Variants in SIM1 observed in about 807,000 individuals in gnomAD.
The protein encoded by SIM1 is single-minded homolog 1.
SIM1 carries 18 observed loss-of-function variants against 78.2 expected under a neutral mutation model. The observed-to-expected ratio is 0.23, with a 90% CI of 0.16 to 0.34. The LOEUF (loss-of-function observed/expected upper bound fraction) is 0.34. SIM1 is among the 10% of genes least tolerant of loss of function. The pLI is 1.00. For synonymous variants in SIM1, 417 were observed against 385.2 expected (o/e 1.08, Z -0.97); for missense variants, 939 against 975.1 (o/e 0.96, Z 0.49).
At chr6:100,418,371 T>TAA (rs1475235406) in intron 10 of SIM1, among the ~76,000 whole-genome samples, 7 of 150,188 alleles carry the variant, frequency 4.7e-5, no homozygotes, top group African/African-American at 1.7e-4. Context: ...AATAAATAAA[T>TAA]AAATAAATAA....
At chr6:100,451,980 C>T (rs368139525) in intron 3 of SIM1, among the ~76,000 whole-genome samples, 150 of 152,212 alleles carry the variant, frequency 9.9e-4, no homozygotes, top group African/African-American at 3.5e-3. Context: ...AGTTGAGAGG[C>T]TGGTGTTGGG....
Position 100,463,449 on chromosome 6 carries a change from T to G in SIM1, c.20A>C (p.Asn7Thr), listed in dbSNP as rs200032458. 21 of 1,607,304 alleles carry G rather than the reference T, an allele frequency of 1.3e-5. No homozygotes were observed. The highest frequency in any genetic ancestry group is 1.6e-4 in the Middle Eastern group (1 of 6,064). The change falls in exon 2 of 12, where the codon AAT (asparagine) becomes ACT (threonine). Residue 7 changes from asparagine to threonine, a missense_variant. This residue lies in a region of SIM1 where 121 missense variants were observed against 124.6 expected (regional missense o/e 0.97). Coordinates refer to ENST00000369208, the MANE Select transcript of SIM1 (RefSeq NM_005068.3). MKEKSKNAARTRREKEN... is the reference protein window; with the variant it reads MKEKSKTAARTRREKEN... ...CTTCTCCCTCCTAGTCCGCGCAGCA[T>G]TTTTGGACTTTTCTTTCATTGTGTC... is the stretch of plus-strand genomic sequence containing the variant.
At chr6:100,395,374 T>C (rs1394414397) in intron 10 of SIM1, among the ~76,000 whole-genome samples, 1 of 152,214 alleles carries the variant, frequency 6.6e-6, no homozygotes, top group Non-Finnish European at 1.5e-5. Context: ...AGGACATTAC[T>C]ACAAGTTTTA....
Position 100,459,426 on chromosome 6 carries a change from C to T in SIM1, c.175+3868G>A, listed in dbSNP as rs996043123. 8.5e-5 allele frequency among the ~76,000 whole-genome samples: 13 copies of T among 152,086 alleles called. 1 individual carries two copies. The highest frequency in any genetic ancestry group is 3.1e-4 in the African/African-American group (13 of 41,394). The stretch of plus-strand genomic sequence containing the variant: ...TGGAGGGTAAACTGTGCTTAAAGGC[C>T]TTTAAATGAGAAAAACTTCTGTAAG... On this transcript the variant is annotated intron_variant, in intron 2 of 11. Transcript: ENST00000369208.
chr6:100,428,241 C>T (rs976190585), intron 9 of SIM1, among the ~76,000 whole-genome samples: 10 of 152,148 alleles, frequency 6.6e-5, no homozygotes, highest in African/African-American at 1.9e-4. Context: ...CTTAGCCAAA[C>T]TGGAATTTTA....
intron 2 of SIM1, among the ~76,000 whole-genome samples, chr6:100,457,593 C>T (rs1468985944): frequency 6.6e-6 from 1 of 152,238 alleles, no homozygotes; most frequent in East Asian, 1.9e-4. Flanking sequence ...GAGTGGCCTT[C>T]GTGTTCAGCC....
intron 10 of SIM1, among the ~76,000 whole-genome samples, chr6:100,408,734 C>A (rs920672643): frequency 1.3e-5 from 2 of 152,054 alleles, no homozygotes; most frequent in African/African-American, 4.8e-5. Flanking sequence ...GTGGATGGAA[C>A]CAACCTTGCA....
At chr6:100,392,504 G>A (rs3778040) in intron 11 of SIM1, among the ~76,000 whole-genome samples, 49,222 of 152,112 alleles carry the variant, frequency 0.32, 9,302 homozygotes, top group East Asian at 0.75. Flanking sequence ...TTTGGCAAGT[G>A]ATTGCCCTTT....
chr6:100,458,250 C>A (rs987813552), intron 2 of SIM1, among the ~76,000 whole-genome samples: 3 of 152,154 alleles, frequency 2.0e-5, no homozygotes, highest in African/African-American at 7.2e-5. Context: ...GACAGTCCTG[C>A]GTGACGGCCG....
At chr6:100,425,433 C>G (rs1771702284) in intron 9 of SIM1, among the ~76,000 whole-genome samples, 1 of 152,116 alleles carries the variant, frequency 6.6e-6, no homozygotes, top group Non-Finnish European at 1.5e-5. Context: ...GGACCTTATG[C>G]TCACAGTCAC....
At position 100,390,058 on chromosome 6, in the gene SIM1, T is replaced by C. The variant is rs1770598251; in HGVS notation, c.*303A>G. ...ACAATGCAATGTTGTCATTCATCAG[T>C]CCTCTCATGTAGTATATATGCACAC... On this transcript the variant is annotated 3_prime_UTR_variant, in exon 12 of 12. Coordinates refer to ENST00000369208, the MANE Select transcript of SIM1 (RefSeq NM_005068.3). The C allele has an allele frequency of 2.3e-6, 1 of 426,560 alleles. No individual in the cohort carries two copies. 26.4% of individuals were successfully genotyped at this position (426,560 alleles called of 1,614,324 possible).
intron 9 of SIM1, among the ~76,000 whole-genome samples, chr6:100,429,368 CAAAA>C (rs34978126): frequency 7.5e-6 from 1 of 133,232 alleles, no homozygotes; most frequent in Non-Finnish European, 1.6e-5. Flanking sequence ...GACTCTGTCT[CAAAA>C]AAAAAAAAAA....
At chr6:100,410,641 C>A (rs1036560693) in intron 10 of SIM1, among the ~76,000 whole-genome samples, 4 of 152,106 alleles carry the variant, frequency 2.6e-5, no homozygotes, top group African/African-American at 9.7e-5. Context: ...GGCAGGTGGA[C>A]TGGAGTGGGT....
rs776482495 is a variant in SIM1 at position 100,412,788 on chromosome 6, CGAAG to C, written c.1167+7998_1167+8001del. 4.0e-5 allele frequency among the ~76,000 whole-genome samples: 6 copies of C among 149,262 alleles called. 1 individual carries two copies. The South Asian group carries it at 6.6e-4, about 16-fold the overall frequency. On this transcript the variant is annotated intron_variant, in intron 10 of 11. Transcript: ENST00000369208. The stretch of plus-strand genomic sequence containing the variant: ...GAAAAAGAAAGGGAGAAAGAGAGAA[CGAAG>C]GAAGGAAGGACGGACGGACGGAAGG...
intron 10 of SIM1, among the ~76,000 whole-genome samples, chr6:100,412,990 C>T (rs572560771): frequency 2.6e-5 from 4 of 152,276 alleles, no homozygotes; most frequent in East Asian, 1.9e-4. Context: ...GCTCTCTAAG[C>T]CTAGGGGCTA....
intron 2 of SIM1, among the ~76,000 whole-genome samples, chr6:100,455,009 T>C (rs1772610521): frequency 6.6e-6 from 1 of 152,168 alleles, no homozygotes; most frequent in Non-Finnish European, 1.5e-5. Flanking sequence ...TTTACTGCGT[T>C]AAGGAGCAAA....
At chr6:100,392,096 C>G (rs1770656336) in intron 11 of SIM1, among the ~76,000 whole-genome samples, 2 of 152,118 alleles carry the variant, frequency 1.3e-5, no homozygotes. Flanking sequence ...ATTGCTTGAA[C>G]CCGGGAGGCA....
At chr6:100,442,440 G>C (rs1179853565) in intron 9 of SIM1, among the ~76,000 whole-genome samples, 1 of 151,982 alleles carries the variant, frequency 6.6e-6, no homozygotes, top group Non-Finnish European at 1.5e-5. Flanking sequence ...CATCTGAAAA[G>C]AACAACTGTG....
In SIM1 at chr6:100,448,134, G is replaced by A. The variant is rs772220261; in HGVS notation, c.850+12C>T. On this transcript the variant is annotated intron_variant, in intron 8 of 11. Coordinates refer to ENST00000369208, the MANE Select transcript of SIM1 (RefSeq NM_005068.3). ...CAAGGTTGCTAGGGTACGGGGCAGGGTGGCGCCTTACGCAAATGGTGCGCG... is the reference window on the plus strand; with the variant it reads ...CAAGGTTGCTAGGGTACGGGGCAGGATGGCGCCTTACGCAAATGGTGCGCG... 2.5e-6 allele frequency: 4 copies of A among 1,604,110 alleles called. No homozygotes were observed. Among genetic ancestry groups the A allele is most frequent in the Non-Finnish European group, 3.4e-6 (4 of 1,173,838 alleles).
Sources: allele counts gnomAD v4.1 joint callset (sites outside exome capture counted in the v4.1 genomes callset), GRCh38; gene constraint gnomAD v4.1.1; regional missense constraint gnomAD v4.1.1; transcripts MANE v1.5; gene names NCBI Gene and HGNC (gene_info 2026-07-23, HGNC 2026-07-21).